The following PEX5L variants were observed in gnomAD, a reference collection of about 807,000 sequenced individuals.
PEX5L encodes PEX5-related protein.
Under a neutral mutation model 84.0 loss-of-function variants are expected in PEX5L, and 30 were observed. The ratio of observed to expected loss-of-function variants is 0.36; its 90% CI spans 0.27 to 0.48. PEX5L has a LOEUF of 0.48. Among genes scored for constraint, PEX5L ranks in the 20% least tolerant of loss-of-function variants. PEX5L has a pLI of 0.99. For synonymous variants in PEX5L, 270 were observed against 283.1 expected, an observed-to-expected ratio of 0.95 and a Z score of 0.46; for missense variants, 533 against 754.6, an observed-to-expected ratio of 0.71 and a Z score of 3.44.
chr3:179,924,667 G>A (rs1311757334), intron 2 of PEX5L, among the ~76,000 whole-genome samples: 2 of 152,096 alleles, frequency 1.3e-5, no homozygotes, highest in Non-Finnish European at 2.9e-5. Context: ...CAGGACCATG[G>A]AAATATACTT....
At chr3:179,861,635 T>A (rs1311310017) in intron 7 of PEX5L, among the ~76,000 whole-genome samples, 1 of 152,144 alleles carries the variant, frequency 6.6e-6, no homozygotes, top group Non-Finnish European at 1.5e-5. Context: ...TTAGGCCCCA[T>A]GAAAGCTACT....
rs180716440 is a variant in PEX5L, at chr3:180,000,112, A to C, written c.22-28447T>G. ...AGCAAGATTTTTGCTTCTTGTTTCC[A>C]TGACATTACGTTCTTCTGGCCTAGA... On this transcript the variant is annotated intron_variant, in intron 1 of 14. Coordinates refer to ENST00000467460, the MANE Select transcript of PEX5L (RefSeq NM_016559.3). 3.3e-5 allele frequency among the ~76,000 whole-genome samples: 5 copies of C among 152,242 alleles called. No homozygotes were observed. In the East Asian group the frequency reaches 9.7e-4, roughly 29 times the overall value.
At chr3:179,804,965 A>G (rs772793992) in intron 14 of PEX5L, among the ~76,000 whole-genome samples, 1 of 151,934 alleles carries the variant, frequency 6.6e-6, no homozygotes, top group Non-Finnish European at 1.5e-5. Context: ...CTAAAAATAC[A>G]AAAATTAGCC....
At chr3:179,813,802 G>C (rs573089455) in intron 10 of PEX5L, among the ~76,000 whole-genome samples, 1 of 150,642 alleles carries the variant, frequency 6.6e-6, no homozygotes, top group Non-Finnish European at 1.5e-5. Flanking sequence ...TCAGCCTCCC[G>C]AGTAGCTGGG....
chr3:180,027,011 C>T (rs941606337), intron 1 of PEX5L, among the ~76,000 whole-genome samples: 2 of 152,156 alleles, frequency 1.3e-5, no homozygotes, highest in African/African-American at 4.8e-5. Flanking sequence ...CGTATCTGCC[C>T]TCCATTTTGA....
chr3:180,036,503 C>T, intron 1 of PEX5L, 76 bp downstream of exon 1: 2 of 1,381,434 alleles, frequency 1.4e-6, no homozygotes, highest in Non-Finnish European at 2.1e-6. Flanking sequence ...AGCACTTGAC[C>T]ACAGAAACTT....
chr3:179,832,581 T>C (rs980973147), intron 8 of PEX5L, among the ~76,000 whole-genome samples: 5 of 148,368 alleles, frequency 3.4e-5, no homozygotes, highest in Non-Finnish European at 7.5e-5. Flanking sequence ...CCCACCAACC[T>C]ACCTACTTAC....
At chr3:179,850,305 T>A (rs2108444073) in intron 8 of PEX5L, among the ~76,000 whole-genome samples, 1 of 152,162 alleles carries the variant, frequency 6.6e-6, no homozygotes, top group East Asian at 1.9e-4. Context: ...TTTTGTACTT[T>A]TAGTAGAGAC....
rs76944076 is a variant in PEX5L at position 179,912,474 on chromosome 3, T to G, written c.94-14228A>C. Among the ~76,000 whole-genome samples, 673 of 152,178 alleles carry G rather than the reference T, an allele frequency of 4.4e-3. 9 individuals are homozygous for G. Among genetic ancestry groups the G allele is most frequent in the African/African-American group, 0.015 (644 of 41,558 alleles). Reference sequence around the variant, plus strand: ...AGGTAGATGTTATATGTACAAAAAATTAATCCTTTAAGTTTAAGATCCTAG... The same window carrying G: ...AGGTAGATGTTATATGTACAAAAAAGTAATCCTTTAAGTTTAAGATCCTAG... On this transcript the variant is annotated intron_variant, in intron 2 of 14. Transcript: ENST00000467460.
At chr3:179,935,544 T>C (rs995041801) in intron 2 of PEX5L, among the ~76,000 whole-genome samples, 8 of 152,214 alleles carry the variant, frequency 5.3e-5, no homozygotes, top group African/African-American at 1.7e-4. Context: ...TTCTGTTGTT[T>C]ATTTTCTACT....
chr3:179,802,532 C>CAAAA (rs369244711), intron 14 of PEX5L, among the ~76,000 whole-genome samples: 86 of 73,806 alleles, frequency 1.2e-3, no homozygotes, highest in Admixed American at 1.5e-3. Context: ...GAGACTGTCT[C>CAAAA]AAAAAAAAAA....
chr3:180,012,500 C>A (rs1049745379), intron 1 of PEX5L, among the ~76,000 whole-genome samples: 1 of 152,050 alleles, frequency 6.6e-6, no homozygotes, highest in Non-Finnish European at 1.5e-5. Context: ...GGAGTCAGTG[C>A]AATTTAAACC....
At chr3:179,819,562 C>T (rs1727630888) in intron 9 of PEX5L, among the ~76,000 whole-genome samples, 1 of 152,136 alleles carries the variant, frequency 6.6e-6, no homozygotes, top group South Asian at 2.1e-4. Flanking sequence ...TCCAACCCAC[C>T]CTCAGTGTCA....
At chr3:179,991,806 T>A (rs1411796315) in intron 1 of PEX5L, among the ~76,000 whole-genome samples, 2 of 152,192 alleles carry the variant, frequency 1.3e-5, no homozygotes, top group Non-Finnish European at 2.9e-5. Context: ...TCTTTTCTCT[T>A]TAGAAGACAT....
At chr3:179,982,699 T>A (rs1786442679) in intron 1 of PEX5L, among the ~76,000 whole-genome samples, 1 of 152,164 alleles carries the variant, frequency 6.6e-6, no homozygotes, top group Non-Finnish European at 1.5e-5. Flanking sequence ...GAAGAATGAC[T>A]GATACTTAAG....
intron 7 of PEX5L, among the ~76,000 whole-genome samples, chr3:179,869,750 T>C (rs1749629173): frequency 6.6e-6 from 1 of 152,130 alleles, no homozygotes; most frequent in South Asian, 2.1e-4. Context: ...CCACACCAAC[T>C]CAGTTAAAGA....
intron 1 of PEX5L, among the ~76,000 whole-genome samples, chr3:180,008,939 T>G (rs1789175086): frequency 6.6e-6 from 1 of 152,254 alleles, no homozygotes; most frequent in Admixed American, 6.5e-5. Flanking sequence ...AATAAAATGT[T>G]TTGATTAATA....
intron 2 of PEX5L, among the ~76,000 whole-genome samples, chr3:179,914,922 A>T (rs998078317): frequency 6.6e-6 from 1 of 152,154 alleles, no homozygotes; most frequent in East Asian, 1.9e-4. Context: ...CAGTTTAGAC[A>T]GGGAGAAAGG....
At chr3:179,902,151 T>C (rs1407406192) in intron 2 of PEX5L, 2 of 152,330 alleles carry the variant, frequency 1.3e-5, no homozygotes, top group African/African-American at 4.8e-5. Flanking sequence ...GTAGATATTA[T>C]CTTCCATAGA....
Sources: allele counts gnomAD v4.1 joint callset (sites outside exome capture counted in the v4.1 genomes callset), GRCh38; gene constraint gnomAD v4.1.1; transcripts MANE v1.5; gene names NCBI Gene and HGNC (gene_info 2026-07-23, HGNC 2026-07-21).